The following NUDCD1 variants were observed in gnomAD, a reference collection of about 807,000 sequenced individuals.
NUDCD1 encodes the protein nudC domain-containing protein 1.
In NUDCD1, 60 loss-of-function variants were observed where a neutral mutation model predicts 67.8. The observed-to-expected ratio is 0.88, with a 90% CI of 0.72 to 1.10. NUDCD1 has a LOEUF of 1.10. NUDCD1 is among the 50% of genes least tolerant of loss of function. The probability of loss-of-function intolerance (pLI) is 0.00; values close to 1 mark genes in which losing one functional copy is unlikely to be tolerated. For synonymous variants in NUDCD1, 244 were observed against 230.8 expected (o/e 1.06, Z -0.52); for missense variants, 643 against 695.0 (o/e 0.93, Z 0.84).
intron 5 of NUDCD1, among the ~76,000 whole-genome samples, chr8:109,285,810 G>C (rs906706940): frequency 1.3e-5 from 2 of 152,082 alleles, no homozygotes; most frequent in Admixed American, 6.5e-5. Flanking sequence ...GTACTAACCA[G>C]AGCAATCAGG....
intron 2 of NUDCD1, among the ~76,000 whole-genome samples, chr8:109,300,204 T>C (rs2926264): frequency 0.38 from 57,900 of 151,866 alleles, 11,546 homozygotes; most frequent in South Asian, 0.5. Flanking sequence ...TTTAACACCC[T>C]CCGAAAATCA....
intron 1 of NUDCD1, among the ~76,000 whole-genome samples, chr8:109,325,601 A>G (rs957359112): frequency 6.6e-6 from 1 of 152,240 alleles, no homozygotes; most frequent in Non-Finnish European, 1.5e-5. Context: ...AACACAAAGA[A>G]GGCCACACTG....
intron 8 of NUDCD1, 40 bp downstream of exon 8, chr8:109,270,962 AACT>A (rs1814139718): frequency 7.6e-7 from 1 of 1,319,458 alleles, no homozygotes; most frequent in African/African-American, 1.5e-5. Flanking sequence ...TTATCTGAGT[AACT>A]ACTGACAAAA....
chr8:109,284,006 AAC>A (rs1491572218), intron 5 of NUDCD1, among the ~76,000 whole-genome samples: 3,098 of 149,954 alleles, frequency 0.021, 63 homozygotes, highest in African/African-American at 0.073. Flanking sequence ...AAAAAAAAAA[AAC>A]AAAACAAAAA....
chr8:109,317,744 C>A (rs937911929), intron 2 of NUDCD1, among the ~76,000 whole-genome samples: 1 of 152,146 alleles, frequency 6.6e-6, no homozygotes, highest in African/African-American at 2.4e-5. Context: ...TAAAGTGATA[C>A]CCCAAGGCAT....
At chr8:109,299,754 G>A (rs532167763) in intron 2 of NUDCD1, among the ~76,000 whole-genome samples, 10 of 152,198 alleles carry the variant, frequency 6.6e-5, no homozygotes, top group Middle Eastern at 3.2e-3. Flanking sequence ...TACCACAGCT[G>A]ATGCTCTCTG....
At chr8:109,244,457 T>TA (rs1813448723) in intron 9 of NUDCD1, among the ~76,000 whole-genome samples, 1 of 152,144 alleles carries the variant, frequency 6.6e-6, no homozygotes, top group African/African-American at 2.4e-5. Context: ...GTAGGGAGGC[T>TA]AAAAATTATA....
intron 4 of NUDCD1, among the ~76,000 whole-genome samples, chr8:109,291,561 C>T (rs1814712651): frequency 6.6e-6 from 1 of 151,748 alleles, no homozygotes; most frequent in African/African-American, 2.4e-5. Flanking sequence ...TGAAATGTTT[C>T]ATTCAAAATA....
intron 8 of NUDCD1, among the ~76,000 whole-genome samples, chr8:109,247,465 G>T (rs1048768652): frequency 6.6e-6 from 1 of 152,166 alleles, no homozygotes; most frequent in Non-Finnish European, 1.5e-5. Context: ...CACCAAGGGA[G>T]ATCAATCATG....
intron 1 of NUDCD1, among the ~76,000 whole-genome samples, chr8:109,325,487 T>C (rs1815659371): frequency 6.6e-6 from 1 of 152,176 alleles, no homozygotes; most frequent in African/African-American, 2.4e-5. Flanking sequence ...TTTAACATAT[T>C]TTTAAAATAA....
intron 1 of NUDCD1, among the ~76,000 whole-genome samples, chr8:109,329,569 T>C (rs1188879893): frequency 2.6e-5 from 4 of 152,132 alleles, no homozygotes; most frequent in Non-Finnish European, 4.4e-5. Flanking sequence ...CTTTAAAGCA[T>C]TGAAAGAAAA....
chr8:109,283,539 A>G (rs1257782176), intron 5 of NUDCD1, among the ~76,000 whole-genome samples: 2 of 152,190 alleles, frequency 1.3e-5, no homozygotes, highest in Non-Finnish European at 2.9e-5. Context: ...GCACCTAAAG[A>G]AAAGAGATTA....
chr8:109,281,393 G>A (rs939530139), intron 5 of NUDCD1, among the ~76,000 whole-genome samples: 6 of 152,092 alleles, frequency 3.9e-5, no homozygotes, highest in Non-Finnish European at 7.4e-5. Flanking sequence ...TGCTTGAGGA[G>A]ATAAAGCACT....
intron 5 of NUDCD1, among the ~76,000 whole-genome samples, chr8:109,285,756 A>G (rs1814559723): frequency 6.6e-6 from 1 of 152,134 alleles, no homozygotes; most frequent in African/African-American, 2.4e-5. Flanking sequence ...GAAACAAGAA[A>G]AGCATGCTTA....
At chr8:109,282,311 T>C (rs1262250341) in intron 5 of NUDCD1, among the ~76,000 whole-genome samples, 1 of 152,150 alleles carries the variant, frequency 6.6e-6, no homozygotes, top group Non-Finnish European at 1.5e-5. Flanking sequence ...TGCAATTGGC[T>C]GTTACTAACA....
Position 109,275,347 on chromosome 8 carries a change from C to G in NUDCD1, c.1173+5G>C. On this transcript the variant is annotated splice_donor_5th_base_variant and intron_variant, in intron 7 of 9. Coordinates refer to ENST00000239690, the MANE Select transcript of NUDCD1 (RefSeq NM_032869.4). ...GAAAGTCACACTACTATTCCAACTA[C>G]TTACCAGTTCTTCAGAGGTCAAATG... The G allele has an allele frequency of 6.2e-7, 1 of 1,612,022 alleles. No individual in the cohort carries two copies. The highest frequency in any genetic ancestry group is 2.2e-5 in the East Asian group (1 of 44,842).
In NUDCD1 at chr8:109,289,864, A is replaced by AT. The variant is rs1814666399; in HGVS notation, c.709dup (p.Ile237AsnfsTer2). On this transcript the variant is annotated frameshift_variant, in exon 5 of 10. Transcript: ENST00000239690. LOFTEE classifies it high-confidence loss of function. ...CATTAGACCATTTCCATCAGGCTCAATAGCAGCATAATGTGGCACTGACTT... is the reference window on the plus strand; with the variant it reads ...CATTAGACCATTTCCATCAGGCTCAATTAGCAGCATAATGTGGCACTGACTT... 1 of 1,557,858 alleles carries AT rather than the reference A, an allele frequency of 6.4e-7. No homozygotes were observed. The highest frequency in any genetic ancestry group is 8.7e-7 in the Non-Finnish European group (1 of 1,153,308).
intron 1 of NUDCD1, among the ~76,000 whole-genome samples, chr8:109,328,704 C>T (rs1189104171): frequency 6.6e-6 from 1 of 152,078 alleles, no homozygotes; most frequent in Non-Finnish European, 1.5e-5. Flanking sequence ...TGCTCCTGAT[C>T]GGACTAACAA....
chr8:109,330,906 G>A (rs1331841894), intron 1 of NUDCD1, among the ~76,000 whole-genome samples: 1 of 152,096 alleles, frequency 6.6e-6, no homozygotes, highest in Non-Finnish European at 1.5e-5. Flanking sequence ...GTAGGGGGAG[G>A]GAGAGCATTA....
Sources: gnomAD v4.1 joint callset for allele counts (sites outside exome capture counted in the v4.1 genomes callset) on GRCh38, gnomAD v4.1.1 for gene constraint, MANE v1.5 for transcripts, NCBI Gene and HGNC (gene_info 2026-07-23, HGNC 2026-07-21) for gene names.